Variants in ATF2 observed in about 807,000 individuals in gnomAD.
The protein encoded by ATF2 is cyclic AMP-dependent transcription factor ATF-2.
A neutral mutation model predicts 60.6 loss-of-function variants in ATF2; 24 were observed. The ratio of observed to expected loss-of-function variants is 0.40; its 90% CI spans 0.29 to 0.56. The LOEUF is 0.56. Among genes scored for constraint, ATF2 ranks in the 20% least tolerant of loss-of-function variants. The pLI is 0.54. For missense variants in ATF2, 433 were observed against 607.7 expected, an observed-to-expected ratio of 0.71 and a Z score of 3.02; for synonymous variants, 206 against 215.4, an observed-to-expected ratio of 0.96 and a Z score of 0.38.
At chr2:175,149,239 G>A (rs1363133642) in intron 2 of ATF2, among the ~76,000 whole-genome samples, 1 of 151,952 alleles carries the variant, frequency 6.6e-6, no homozygotes, top group Non-Finnish European at 1.5e-5. Context: ...ATGGCCCTGG[G>A]TCAAAGTGCT....
intron 2 of ATF2, among the ~76,000 whole-genome samples, chr2:175,142,943 C>T (rs1698691064): frequency 6.6e-6 from 1 of 152,002 alleles, no homozygotes; most frequent in Non-Finnish European, 1.5e-5. Context: ...AAATCCTGAG[C>T]TCAAGTGATC....
chr2:175,126,579 CAATT>C (rs1697352181), intron 4 of ATF2, among the ~76,000 whole-genome samples: 1 of 152,152 alleles, frequency 6.6e-6, no homozygotes, highest in South Asian at 2.1e-4. Flanking sequence ...GGTCTTTTAA[CAATT>C]CCTTATGATA....
At chr2:175,076,517 A>C (rs569354318) in intron 13 of ATF2, among the ~76,000 whole-genome samples, 5 of 152,276 alleles carry the variant, frequency 3.3e-5, no homozygotes, top group Admixed American at 2.6e-4. Flanking sequence ...AAAATAGTGA[A>C]CATAGCACCC....
In ATF2 at chr2:175,117,981, A is replaced by G; in HGVS notation, c.447+9T>C. 3.1e-6 allele frequency: 5 copies of G among 1,587,918 alleles called. No individual in the cohort carries two copies. Among genetic ancestry groups the G allele is most frequent in the Non-Finnish European group, 4.3e-6 (5 of 1,171,298 alleles). ...TCCCCCTTACTTTGTATTTCTAAAA[A>G]TTTCTAACCTTCTCATCACTGGTAG... is the stretch of plus-strand genomic sequence containing the variant. On this transcript the variant is annotated intron_variant, in intron 7 of 13. Transcript: ENST00000264110.
intron 10 of ATF2, among the ~76,000 whole-genome samples, chr2:175,107,646 T>C (rs1419756991): frequency 6.6e-6 from 1 of 151,078 alleles, no homozygotes; most frequent in African/African-American, 2.4e-5. Flanking sequence ...CCGCCATCTC[T>C]GCTCACTGCA....
chr2:175,075,966 G>A (rs1207206670), intron 13 of ATF2, among the ~76,000 whole-genome samples: 1 of 152,134 alleles, frequency 6.6e-6, no homozygotes, highest in Non-Finnish European at 1.5e-5. Context: ...AGGAGTGACA[G>A]TAAATAGGCT....
chr2:175,084,777 G>T (rs960899131), intron 12 of ATF2, among the ~76,000 whole-genome samples: 4 of 151,892 alleles, frequency 2.6e-5, no homozygotes, highest in African/African-American at 7.2e-5. Flanking sequence ...ACACTGGATT[G>T]TAACTTTTGG....
At chr2:175,076,952 C>T (rs914769831) in intron 13 of ATF2, among the ~76,000 whole-genome samples, 1 of 127,170 alleles carries the variant, frequency 7.9e-6, no homozygotes, top group Non-Finnish European at 1.6e-5. Context: ...CCCCCCTCCC[C>T]CCACCCCACA....
Position 175,161,763 on chromosome 2 carries a change from CTT to C in ATF2, c.-143+6285_-143+6286del, listed in dbSNP as rs10710666. Among the ~76,000 whole-genome samples the C allele has an allele frequency of 4.5e-3, 609 of 134,482 alleles. 1 individual carries two copies. The highest frequency in any genetic ancestry group is 7.4e-3 in the African/African-American group (273 of 36,774). 88.2% of individuals were successfully genotyped at this position (134,482 alleles called of 152,430 possible). On this transcript the variant is annotated intron_variant, in intron 1 of 13. Transcript: ENST00000264110. Reference sequence around the variant, plus strand: ...GAAATGTATAGTTCAGAAAGTAACTCTTTTTTTTTTTTTTTGAGACACCGTCT... The same window carrying C: ...GAAATGTATAGTTCAGAAAGTAACTCTTTTTTTTTTTTTGAGACACCGTCT...
Position 175,130,191 on chromosome 2 carries a change from A to G in ATF2, c.49T>C (p.Trp17Arg). The change falls in exon 4 of 14, where the codon TGG (tryptophan) becomes CGG (arginine). Residue 17 changes from tryptophan to arginine, a missense_variant. Physicochemically the swap from Trp to Arg is moderately radical, Grantham distance 101 (BLOSUM62 -3). Around this residue, in one of 5 missense-constraint regions of ATF2, gnomAD observed 20 missense variants for 16.9 expected, o/e 1.19. Transcript: ENST00000264110. ...AAGGGTTTGTCATCACTCATATTCCACAGGTCCTTGTATTGCCTATAATCA... is the reference window on the plus strand; with the variant it reads ...AAGGGTTTGTCATCACTCATATTCCGCAGGTCCTTGTATTGCCTATAATCA... ...VNSARQYKDL[W>R]NMSDDKPFLC... 1 of 1,592,048 alleles carries G rather than the reference A, an allele frequency of 6.3e-7. No individual in the cohort carries two copies. The highest frequency in any genetic ancestry group is 8.6e-7 in the Non-Finnish European group (1 of 1,168,714).
chr2:175,076,195 G>T (rs1018138595), intron 13 of ATF2, among the ~76,000 whole-genome samples: 3 of 152,032 alleles, frequency 2.0e-5, no homozygotes, highest in East Asian at 3.9e-4. Flanking sequence ...AGTTTTTACA[G>T]AATTTTTCAA....
In ATF2 at chr2:175,083,225, C is replaced by G. The variant is rs1693888878; in HGVS notation, c.1186-2460G>C. Among the ~76,000 whole-genome samples the G allele has an allele frequency of 2.0e-5, 3 of 152,162 alleles. No homozygotes were observed. The South Asian group carries it at 6.2e-4, about 32-fold the overall frequency. On this transcript the variant is annotated intron_variant, in intron 12 of 13. Coordinates refer to ENST00000264110, the MANE Select transcript of ATF2 (RefSeq NM_001880.4). The stretch of plus-strand genomic sequence containing the variant: ...GCCAAAAGAACAAAGCTGGAGGCAT[C>G]ACGCTACCTGACTTCAAACTATACT...
At chr2:175,157,533 A>G (rs1390886991) in intron 1 of ATF2, among the ~76,000 whole-genome samples, 1 of 152,196 alleles carries the variant, frequency 6.6e-6, no homozygotes, top group Admixed American at 6.5e-5. Context: ...TTAAACAGCC[A>G]ATATGTTCAC....
At chr2:175,077,197 T>C (rs1328505750) in intron 13 of ATF2, among the ~76,000 whole-genome samples, 3 of 152,124 alleles carry the variant, frequency 2.0e-5, no homozygotes, top group Non-Finnish European at 2.9e-5. Flanking sequence ...CAGTCTATCA[T>C]TGTTGGACAT....
At chr2:175,128,368 C>T (rs1211007470) in intron 4 of ATF2, among the ~76,000 whole-genome samples, 4 of 152,122 alleles carry the variant, frequency 2.6e-5, no homozygotes, top group Admixed American at 6.5e-5. Flanking sequence ...GGTGTGGTGG[C>T]GCATGCCTGT....
At chr2:175,118,175 TA>T in intron 6 of ATF2, 57 bp from the exon 7 acceptor site, 1 of 1,594,246 alleles carries the variant, frequency 6.3e-7, no homozygotes. Flanking sequence ...TGTCTAAATT[TA>T]AAAAGCAGGA....
chr2:175,142,685 AAGAGAGAGAGAGAGAG>A (rs371270320), intron 2 of ATF2, among the ~76,000 whole-genome samples: 1 of 126,342 alleles, frequency 7.9e-6, no homozygotes. Context: ...ACGCTGCCGA[AAGAGAGAGAGAGAGAG>A]AGAGAGAGAG....
chr2:175,124,557 A>G (rs1053870281), intron 4 of ATF2, among the ~76,000 whole-genome samples: 2 of 151,928 alleles, frequency 1.3e-5, no homozygotes, highest in Admixed American at 6.6e-5. Context: ...ATAGACACAA[A>G]TAAGTTTTCA....
At chr2:175,092,509 G>A (rs1574341351) in intron 12 of ATF2, 1 of 313,958 alleles carries the variant, frequency 3.2e-6, no homozygotes, top group Non-Finnish European at 6.5e-6. Context: ...AGGGCAGTAT[G>A]AAATGATCTG....
Sources: allele counts gnomAD v4.1 joint callset (sites outside exome capture counted in the v4.1 genomes callset), GRCh38; gene constraint gnomAD v4.1.1; regional missense constraint gnomAD v4.1.1; transcripts MANE v1.5; gene names NCBI Gene and HGNC (gene_info 2026-07-23, HGNC 2026-07-21).